The following DCLK1 variants were observed in gnomAD, a reference collection of about 807,000 sequenced individuals.
DCLK1 encodes serine/threonine-protein kinase DCLK1.
Under a neutral mutation model 86.2 loss-of-function variants are expected in DCLK1, and 16 were observed. The ratio of observed to expected loss-of-function variants is 0.19; its 90% CI spans 0.13 to 0.28. DCLK1 has a LOEUF of 0.28. DCLK1 is among the 10% of genes least tolerant of loss of function. The pLI, the probability that DCLK1 is intolerant of heterozygous loss-of-function variation, is 1.00. For missense variants in DCLK1, 590 were observed against 940.2 expected (o/e 0.63, Z 4.87); for synonymous variants, 369 against 370.5 (o/e 1.00, Z 0.05).
intron 4 of DCLK1, among the ~76,000 whole-genome samples, chr13:35,876,828 A>T (rs4943347): frequency 0.2 from 30,615 of 152,154 alleles, 3,162 homozygotes; most frequent in East Asian, 0.28. Flanking sequence ...ATTCTCTAAG[A>T]GGACTGTATT....
chr13:35,791,363 T>C (rs535359124), intron 16 of DCLK1, among the ~76,000 whole-genome samples: 6 of 152,148 alleles, frequency 3.9e-5, no homozygotes, highest in Non-Finnish European at 8.8e-5. Flanking sequence ...CTTTACAATT[T>C]GTAAGTATAT....
At chr13:35,797,765 T>C (rs2086841529) in intron 15 of DCLK1, among the ~76,000 whole-genome samples, 1 of 152,146 alleles carries the variant, frequency 6.6e-6, no homozygotes, top group Non-Finnish European at 1.5e-5. Flanking sequence ...ACTTAAACAA[T>C]TGGCTTTGCA....
At chr13:35,810,610 C>G (rs1280388171) in intron 12 of DCLK1, among the ~76,000 whole-genome samples, 14 of 152,064 alleles carry the variant, frequency 9.2e-5, no homozygotes. Flanking sequence ...TAACAAAGAC[C>G]AAATGGAAGC....
chr13:35,908,682 C>T (rs545267353), intron 4 of DCLK1, among the ~76,000 whole-genome samples: 2 of 152,314 alleles, frequency 1.3e-5, no homozygotes, highest in South Asian at 2.1e-4. Context: ...GTCGCCCAGG[C>T]TTCAGTGCAA....
chr13:35,900,242 C>CTTT (rs71081294), intron 4 of DCLK1, among the ~76,000 whole-genome samples: 13 of 141,868 alleles, frequency 9.2e-5, no homozygotes, highest in South Asian at 2.3e-4. Flanking sequence ...ACTAAATAAA[C>CTTT]TTTTTTTTTT....
Position 35,774,610 on chromosome 13 carries a change from G to C in DCLK1, c.2148C>G (p.Pro716=), listed in dbSNP as rs569155696. 3.8e-6 allele frequency: 6 copies of C among 1,597,418 alleles called. No homozygotes were observed. In the South Asian group the frequency reaches 6.8e-5, roughly 18 times the overall value. ...AGTCTTCCGATTCCGAGTTGAGTTC[G>C]GGAGGAGCTGGCTGCGCCTTGTACC... ...RSRYKAQPAP[P]ELNSESEDYS... is the part of the protein sequence containing the mutation. The change falls in exon 17 of 17, where the codon CCC becomes CCG. Residue 716 remains proline, a synonymous_variant. Coordinates refer to ENST00000360631, the MANE Select transcript of DCLK1 (RefSeq NM_001330071.2).
intron 9 of DCLK1, 125 bp downstream of exon 9, chr13:35,828,125 G>A: frequency 1.3e-6 from 1 of 751,038 alleles, no homozygotes; most frequent in East Asian, 2.5e-5. Flanking sequence ...TCTAGTAAGT[G>A]TATAACATTC....
intron 3 of DCLK1, among the ~76,000 whole-genome samples, chr13:36,069,033 A>T (rs1883868440): frequency 6.6e-6 from 1 of 152,244 alleles, no homozygotes; most frequent in South Asian, 2.1e-4. Context: ...TTTTTCAGTG[A>T]ATACAGTTTT....
intron 4 of DCLK1, among the ~76,000 whole-genome samples, chr13:35,919,700 C>T (rs748984946): frequency 9.9e-5 from 15 of 151,970 alleles, no homozygotes; most frequent in Non-Finnish European, 2.1e-4. Flanking sequence ...GTGGCTCATG[C>T]CTATAATTCC....
intron 4 of DCLK1, among the ~76,000 whole-genome samples, chr13:35,888,668 T>C (rs1171068): frequency 0.84 from 127,191 of 152,208 alleles, 53,645 homozygotes; most frequent in Middle Eastern, 0.92. Flanking sequence ...AGGGAGACAT[T>C]ACAGTTGACT....
chr13:35,931,474 CA>C (rs1876428247), intron 4 of DCLK1, among the ~76,000 whole-genome samples: 2 of 152,090 alleles, frequency 1.3e-5, no homozygotes, highest in Non-Finnish European at 2.9e-5. Flanking sequence ...CATGGTTTGG[CA>C]ATTGTTAAAA....
intron 16 of DCLK1, among the ~76,000 whole-genome samples, chr13:35,777,002 G>A (rs539990184): frequency 6.6e-6 from 1 of 152,190 alleles, no homozygotes; most frequent in African/African-American, 2.4e-5. Flanking sequence ...ATCCTTGTAA[G>A]AACAATTATA....
rs76041598 is a variant in DCLK1 at position 35,943,952 on chromosome 13, C to A, written c.823+3406G>T. ...TCTCTGCTTGTCTCTATCTATAGTG[C>A]ACTAGCCACCATCTCCAAGGTGCTA... is the stretch of plus-strand genomic sequence containing the variant. On this transcript the variant is annotated intron_variant, in intron 4 of 16. Transcript: ENST00000360631. Among the ~76,000 whole-genome samples the A allele has an allele frequency of 1.6e-3, 247 of 152,242 alleles. 2 individuals are homozygous for A. Among genetic ancestry groups the A allele is most frequent in the African/African-American group, 5.3e-3 (221 of 41,546 alleles).
intron 3 of DCLK1, among the ~76,000 whole-genome samples, chr13:36,110,128 T>G (rs1885558082): frequency 6.6e-6 from 1 of 152,142 alleles, no homozygotes; most frequent in Non-Finnish European, 1.5e-5. Context: ...TGAAAATAGA[T>G]GAACTCCCAT....
chr13:35,993,074 T>A (rs1409932910), intron 3 of DCLK1, among the ~76,000 whole-genome samples: 1 of 152,192 alleles, frequency 6.6e-6, no homozygotes, highest in Admixed American at 6.5e-5. Flanking sequence ...GTCTCCCTGA[T>A]GTAATATGTG....
chr13:35,848,747 C>T, intron 6 of DCLK1: 1 of 985,300 alleles, frequency 1.0e-6, no homozygotes. Context: ...CTGACCCCAC[C>T]AGTTTTAAAG....
At chr13:36,060,151 G>T (rs1883488101) in intron 3 of DCLK1, among the ~76,000 whole-genome samples, 1 of 152,078 alleles carries the variant, frequency 6.6e-6, no homozygotes. Context: ...GATTACAGGG[G>T]TGAGCCACCA....
At chr13:36,045,368 A>ATCTATATCTATATATC (rs1555358861) in intron 3 of DCLK1, among the ~76,000 whole-genome samples, 5 of 94,922 alleles carry the variant, frequency 5.3e-5, no homozygotes, top group East Asian at 6.9e-4. Flanking sequence ...ATATATATAT[A>ATCTATATCTATATATC]TATATATATT....
chr13:35,920,355 T>C (rs542430434), intron 4 of DCLK1, among the ~76,000 whole-genome samples: 84 of 152,124 alleles, frequency 5.5e-4, no homozygotes, highest in Non-Finnish European at 9.6e-4. Flanking sequence ...AATATCCTAA[T>C]TGGGTTTTCT....
Sources: gnomAD v4.1 joint callset for allele counts (sites outside exome capture counted in the v4.1 genomes callset) on GRCh38, gnomAD v4.1.1 for gene constraint, MANE v1.5 for transcripts, NCBI Gene and HGNC (gene_info 2026-07-23, HGNC 2026-07-21) for gene names.